Variants in MAP4K5 observed in about 807,000 individuals in gnomAD.
MAP4K5 encodes mitogen-activated protein kinase kinase kinase kinase 5.
MAP4K5 carries 82 observed loss-of-function variants against 135.6 expected under a neutral mutation model. That is an observed-to-expected ratio of 0.60 (90% CI 0.51 to 0.73). MAP4K5 has a LOEUF of 0.73. Ranked by LOEUF, MAP4K5 falls within the 30% of genes least tolerant of loss-of-function variation. The probability of loss-of-function intolerance (pLI) is 0.00; values close to 1 mark genes in which losing one functional copy is unlikely to be tolerated. For synonymous variants in MAP4K5, 347 were observed against 335.0 expected (o/e 1.04, Z -0.39); for missense variants, 907 against 1,010.9 (o/e 0.90, Z 1.39).
intron 13 of MAP4K5, among the ~76,000 whole-genome samples, chr14:50,458,619 C>T (rs2036642382): frequency 6.6e-6 from 1 of 151,938 alleles, no homozygotes; most frequent in African/African-American, 2.4e-5. Flanking sequence ...TTCAATGTTC[C>T]TTATCAATCT....
At chr14:50,443,809 A>G in intron 19 of MAP4K5, 39 bp from the exon 20 acceptor site, 1 of 1,561,602 alleles carries the variant, frequency 6.4e-7, no homozygotes, top group South Asian at 1.2e-5. Context: ...AAGACCTCCT[A>G]AGTCTTAAAA....
At chr14:50,423,202 A>G (rs575055559) in intron 31 of MAP4K5, 26 bp from the exon 32 acceptor site, 27 of 1,037,558 alleles carry the variant, frequency 2.6e-5, no homozygotes, top group Non-Finnish European at 4.0e-5. Flanking sequence ...ACCTATCAGT[A>G]ACATCTTACT....
chr14:50,447,448 A>C lies in MAP4K5; in HGVS notation c.1108T>G (p.Trp370Gly). 1.3e-6 allele frequency: 2 copies of C among 1,552,970 alleles called. No homozygotes were observed. Among genetic ancestry groups the C allele is most frequent in the East Asian group, 4.8e-5 (2 of 41,308 alleles). Residue 370 changes from tryptophan to glycine, a missense_variant, in exon 16 of 33, where the codon TGG becomes GGG. Trp to Gly is a radical substitution (Grantham distance 184). Coordinates refer to ENST00000682126, the MANE Select transcript of MAP4K5 (RefSeq NM_006575.6). ...LSSDPNFMLQ[W>G]NPFVDGANTG... ...TTTGCACCATCAACAAAAGGATTCC[A>C]CTGTAACATGAAATTTGGGTCTGAT...
chr14:50,529,754 G>A (rs1433825042), intron 2 of MAP4K5, among the ~76,000 whole-genome samples: 2 of 152,164 alleles, frequency 1.3e-5, no homozygotes, highest in East Asian at 1.9e-4. Context: ...ATAGTGGGGG[G>A]CGGTGGTGAA....
intron 31 of MAP4K5, among the ~76,000 whole-genome samples, chr14:50,423,873 T>G (rs536995194): frequency 3.9e-5 from 6 of 152,220 alleles, no homozygotes; most frequent in African/African-American, 1.4e-4. Context: ...CAACATGGGA[T>G]AGCAGTTGCT....
rs747167241 is a variant in MAP4K5 at position 50,444,049 on chromosome 14, A to G, written c.1340-13T>C. The G allele has an allele frequency of 6.4e-7, 1 of 1,560,590 alleles. No homozygotes were observed. The highest frequency in any genetic ancestry group is 1.1e-5 in the South Asian group (1 of 86,974). On this transcript the variant is annotated splice_polypyrimidine_tract_variant and intron_variant, in intron 18 of 32. Coordinates refer to ENST00000682126, the MANE Select transcript of MAP4K5 (RefSeq NM_006575.6). ...CCATCACCATTTCCTAAAGAGAATC[A>G]TGTTAAAAGTTGAATGACCACACAA...
chr14:50,446,065 A>G lies in MAP4K5; in HGVS notation c.1185+14T>C, dbSNP rs376307649. ...AAATAAGGATTTAGTGTTCAAAATCATTAAGTAGCTCACCTTAGGAGGTAG... is the reference window on the plus strand; with the variant it reads ...AAATAAGGATTTAGTGTTCAAAATCGTTAAGTAGCTCACCTTAGGAGGTAG... On this transcript the variant is annotated intron_variant, in intron 17 of 32. Coordinates refer to ENST00000682126, the MANE Select transcript of MAP4K5 (RefSeq NM_006575.6). 27 of 1,515,820 alleles carry G rather than the reference A, an allele frequency of 1.8e-5. No homozygotes were observed. The highest frequency in any genetic ancestry group is 2.9e-5 in the African/African-American group (2 of 69,874). 93.9% of individuals were successfully genotyped at this position (1,515,820 alleles called of 1,614,324 possible). A position where few individuals can be genotyped will look rare whatever the true frequency, so the allele number is the denominator to read the frequency against.
intron 14 of MAP4K5, among the ~76,000 whole-genome samples, chr14:50,454,815 C>T (rs1368394858): frequency 6.6e-6 from 1 of 151,724 alleles, no homozygotes; most frequent in Non-Finnish European, 1.5e-5. Flanking sequence ...TTTTTAACCA[C>T]ATAAGCTGAT....
chr14:50,473,585 G>A (rs961712270), intron 9 of MAP4K5, among the ~76,000 whole-genome samples: 1 of 151,968 alleles, frequency 6.6e-6, no homozygotes, highest in East Asian at 1.9e-4. Flanking sequence ...TAAGCTGGTG[G>A]ACATAAACAA....
At chr14:50,458,506 T>C (rs531312304) in intron 13 of MAP4K5, among the ~76,000 whole-genome samples, 4 of 152,182 alleles carry the variant, frequency 2.6e-5, no homozygotes, top group Non-Finnish European at 5.9e-5. Flanking sequence ...CCCCCTCCTC[T>C]ATTAGAAAAT....
intron 2 of MAP4K5, among the ~76,000 whole-genome samples, chr14:50,507,933 A>C (rs941369627): frequency 6.6e-6 from 1 of 152,102 alleles, no homozygotes; most frequent in African/African-American, 2.4e-5. Context: ...GATCTGTCTA[A>C]TGTTGACAGT....
In MAP4K5 at chr14:50,462,655, A is replaced by G; in HGVS notation, c.936+10T>C. 1 of 1,571,974 alleles carries G rather than the reference A, an allele frequency of 6.4e-7. No homozygotes were observed. Among genetic ancestry groups the G allele is most frequent in the Non-Finnish European group, 8.7e-7 (1 of 1,150,914 alleles). ...TATTTTCAACTATGAGACTGCAAAC[A>G]CTTCCTTACCTCAAAGTCATCGTCA... On this transcript the variant is annotated intron_variant, in intron 13 of 32. Coordinates refer to ENST00000682126, the MANE Select transcript of MAP4K5 (RefSeq NM_006575.6).
chr14:50,488,118 C>T (rs1301374661), intron 3 of MAP4K5, among the ~76,000 whole-genome samples: 1 of 152,056 alleles, frequency 6.6e-6, no homozygotes, highest in East Asian at 1.9e-4. Context: ...GCTTGGGAGG[C>T]CTCAGGAAAC....
At chr14:50,515,932 CACAGA>C (rs1263280357) in intron 2 of MAP4K5, among the ~76,000 whole-genome samples, 1 of 152,194 alleles carries the variant, frequency 6.6e-6, no homozygotes, top group Non-Finnish European at 1.5e-5. Flanking sequence ...ATGTGTCTAA[CACAGA>C]ACACTCGATT....
At chr14:50,523,574 C>G (rs953344616) in intron 2 of MAP4K5, among the ~76,000 whole-genome samples, 4 of 152,306 alleles carry the variant, frequency 2.6e-5, no homozygotes, top group African/African-American at 9.6e-5. Flanking sequence ...CTACCCTGAC[C>G]ATCCTTATAT....
At chr14:50,453,460 GA>G (rs1324824056) in intron 14 of MAP4K5, among the ~76,000 whole-genome samples, 1 of 151,992 alleles carries the variant, frequency 6.6e-6, no homozygotes. Context: ...TTCATATAAT[GA>G]CCCCCTCTGA....
rs3837599 is a variant in MAP4K5 at position 50,523,463 on chromosome 14, TAAGA to T, written c.108+8475_108+8478del. 6.6e-5 allele frequency among the ~76,000 whole-genome samples: 10 copies of T among 152,224 alleles called. No homozygotes were observed. In the East Asian group the frequency reaches 1.9e-3, roughly 29 times the overall value. On this transcript the variant is annotated intron_variant, in intron 2 of 32. Transcript: ENST00000682126. ...ACAGACACAGGTTCCGGTGACTCAA[TAAGA>T]AAGAGATTTAAGACTTCCTTTGATT...
Position 50,476,170 on chromosome 14 carries a change from C to A in MAP4K5, c.427G>T (p.Gly143Cys). The A allele has an allele frequency of 1.3e-6, 2 of 1,507,198 alleles. No homozygotes were observed. Among genetic ancestry groups the A allele is most frequent in the Non-Finnish European group, 1.8e-6 (2 of 1,119,906 alleles). 93.4% of individuals were successfully genotyped at this position (1,507,198 alleles called of 1,614,324 possible). A position where few individuals can be genotyped will look rare whatever the true frequency, so the allele number is the denominator to read the frequency against. The change falls in exon 8 of 33, where the codon GGT becomes TGT. Residue 143 changes from glycine (G) to cysteine (C), a missense_variant and splice_region_variant. Gly to Cys is a radical substitution (Grantham distance 159). Coordinates refer to ENST00000682126, the MANE Select transcript of MAP4K5 (RefSeq NM_006575.6). ...TKGKMHRDIK[G>C]ANILLTDHGD... ...TGGTCTGTCAATAAAATATTAGCAC[C>A]CTAGAACAAAAATACAAATACAATT...
chr14:50,470,916 G>A (rs1284251174), intron 9 of MAP4K5, among the ~76,000 whole-genome samples: 1 of 152,104 alleles, frequency 6.6e-6, no homozygotes, highest in African/African-American at 2.4e-5. Flanking sequence ...TGGAATTACT[G>A]AGAATAAAGA....
Sources: allele counts gnomAD v4.1 joint callset (sites outside exome capture counted in the v4.1 genomes callset), GRCh38; gene constraint gnomAD v4.1.1; transcripts MANE v1.5; gene names NCBI Gene and HGNC (gene_info 2026-07-23, HGNC 2026-07-21).